LRMDA: variants seen among roughly 807,000 people sequenced by gnomAD.
LRMDA encodes the protein leucine rich melanocyte differentiation associated.
LRMDA carries 18 observed loss-of-function variants against 29.8 expected under a neutral mutation model. The ratio of observed to expected loss-of-function variants is 0.60; its 90% CI spans 0.42 to 0.90. The LOEUF is 0.90. Among genes scored for constraint, LRMDA ranks in the 40% least tolerant of loss-of-function variants. The probability of loss-of-function intolerance (pLI) is 0.00; values close to 1 mark genes in which losing one functional copy is unlikely to be tolerated. For synonymous variants in LRMDA, 125 were observed against 109.4 expected (o/e 1.14, Z -0.89); for missense variants, 273 against 273.9 (o/e 1.00, Z 0.02).
chr10:75,785,148 G>A (rs1843450333), intron 2 of LRMDA, among the ~76,000 whole-genome samples: 1 of 152,206 alleles, frequency 6.6e-6, no homozygotes, highest in African/African-American at 2.4e-5. Context: ...TCTTAGAGAT[G>A]TGCATTTGTT....
chr10:76,544,829 C>A (rs1589232125), intron 6 of LRMDA, among the ~76,000 whole-genome samples: 1 of 152,016 alleles, frequency 6.6e-6, no homozygotes, highest in South Asian at 2.1e-4. Context: ...CCATTTGGCA[C>A]TGGGATGAGC....
chr10:76,334,046 G>C (rs542552302), intron 6 of LRMDA, among the ~76,000 whole-genome samples: 1 of 152,324 alleles, frequency 6.6e-6, no homozygotes, highest in Admixed American at 6.5e-5. Context: ...TAGTGGAGCT[G>C]TGGCAGCAGG....
intron 2 of LRMDA, among the ~76,000 whole-genome samples, chr10:75,863,717 A>G (rs1280723994): frequency 1.3e-5 from 2 of 152,204 alleles, no homozygotes; most frequent in South Asian, 2.1e-4. Context: ...TACAACTCCA[A>G]TGAGTAGGTG....
chr10:76,296,436 G>A (rs1414220153), intron 5 of LRMDA, among the ~76,000 whole-genome samples: 3 of 152,104 alleles, frequency 2.0e-5, no homozygotes, highest in Admixed American at 6.6e-5. Context: ...AATGATCTCT[G>A]GTTTAGAGCT....
intron 2 of LRMDA, among the ~76,000 whole-genome samples, chr10:75,887,628 C>G (rs1453936132): frequency 6.6e-6 from 1 of 152,164 alleles, no homozygotes; most frequent in Non-Finnish European, 1.5e-5. Flanking sequence ...TGAGCTGCAA[C>G]TTCAGATTTG....
chr10:76,073,856 A>G (rs1250819646), intron 5 of LRMDA, among the ~76,000 whole-genome samples: 1 of 152,230 alleles, frequency 6.6e-6, no homozygotes, highest in Non-Finnish European at 1.5e-5. Context: ...GATTCTGTAC[A>G]AAGCATGCAT....
At chr10:76,104,633 T>C (rs1393785779) in intron 5 of LRMDA, among the ~76,000 whole-genome samples, 2 of 152,142 alleles carry the variant, frequency 1.3e-5, no homozygotes, top group Non-Finnish European at 2.9e-5. Flanking sequence ...TCCCCGGGGT[T>C]CCTTTGATCT....
At chr10:76,010,513 T>C (rs1399230632) in intron 2 of LRMDA, among the ~76,000 whole-genome samples, 1 of 152,046 alleles carries the variant, frequency 6.6e-6, no homozygotes, top group Non-Finnish European at 1.5e-5. Flanking sequence ...GGGGTTTCAC[T>C]GTGTTAACCA....
intron 2 of LRMDA, among the ~76,000 whole-genome samples, chr10:75,768,341 G>A (rs1843195780): frequency 6.6e-6 from 1 of 152,192 alleles, no homozygotes; most frequent in Non-Finnish European, 1.5e-5. Context: ...TTTCTTTGCT[G>A]TGCATTATCT....
chr10:76,018,556 A>C, intron 2 of LRMDA, among the ~76,000 whole-genome samples: 1 of 149,570 alleles, frequency 6.7e-6, no homozygotes, highest in African/African-American at 2.5e-5. Context: ...TAAAGATGTC[A>C]GGCTTCTGAA....
chr10:76,409,659 A>G (rs561240504), intron 6 of LRMDA, among the ~76,000 whole-genome samples: 2 of 152,210 alleles, frequency 1.3e-5, no homozygotes, highest in South Asian at 4.1e-4. Context: ...AAGTGGTTTT[A>G]TGTTATATAT....
intron 6 of LRMDA, among the ~76,000 whole-genome samples, chr10:76,353,639 C>CA (rs1841205465): frequency 6.6e-6 from 1 of 152,110 alleles, no homozygotes; most frequent in Non-Finnish European, 1.5e-5. Context: ...TGTTCAGCCT[C>CA]AACTGAGACC....
At chr10:76,510,291 G>A (rs140643782) in intron 6 of LRMDA, among the ~76,000 whole-genome samples, 2,723 of 152,106 alleles carry the variant, frequency 0.018, 85 homozygotes, top group African/African-American at 0.061. Flanking sequence ...GGCTGTTCTC[G>A]AACTCCTGAC....
At chr10:75,857,730 C>T (rs1844852109) in intron 2 of LRMDA, among the ~76,000 whole-genome samples, 1 of 152,194 alleles carries the variant, frequency 6.6e-6, no homozygotes, top group East Asian at 1.9e-4. Context: ...CAGGGCAAAT[C>T]ATGTTTTTCT....
intron 2 of LRMDA, among the ~76,000 whole-genome samples, chr10:75,976,821 TC>T (rs1183207162): frequency 6.6e-6 from 1 of 152,182 alleles, no homozygotes; most frequent in Non-Finnish European, 1.5e-5. Flanking sequence ...GATTCAAGGC[TC>T]CAGAGCATGT....
Position 76,036,035 on chromosome 10 carries a change from G to A in LRMDA, c.159G>A (p.Arg53=), listed in dbSNP as rs149656237. ...LRSLEGLSAF[R]SLEELILDNN... Reference sequence around the variant, plus strand: ...CACTGGAAGGACTGAGCGCATTCAGGAGCCTGGAGGAACTCATCTTGGACA... The same window carrying A: ...CACTGGAAGGACTGAGCGCATTCAGAAGCCTGGAGGAACTCATCTTGGACA... The change falls in exon 3 of 7, where the codon AGG becomes AGA. Residue 53 remains arginine, a synonymous_variant. Transcript: ENST00000611255. The A allele has an allele frequency of 6.8e-5, 110 of 1,614,102 alleles. No homozygotes were observed. In the African/African-American group the frequency reaches 1.3e-3, roughly 19 times the overall value.
intron 6 of LRMDA, among the ~76,000 whole-genome samples, chr10:76,440,862 C>T (rs1486470102): frequency 6.6e-6 from 1 of 152,040 alleles, no homozygotes; most frequent in Non-Finnish European, 1.5e-5. Context: ...TCCTGTGTAC[C>T]GCATATGCCA....
chr10:76,360,681 T>C (rs747109885), intron 6 of LRMDA, among the ~76,000 whole-genome samples: 20 of 152,194 alleles, frequency 1.3e-4, no homozygotes, highest in Non-Finnish European at 2.4e-4. Flanking sequence ...GATATTGAGG[T>C]ACAAATGTAT....
At chr10:76,153,851 C>G (rs1002804195) in intron 5 of LRMDA, among the ~76,000 whole-genome samples, 1 of 152,154 alleles carries the variant, frequency 6.6e-6, no homozygotes, top group African/African-American at 2.4e-5. Context: ...ATTGCTAGTC[C>G]TGTTCAGCAG....
Sources: gnomAD v4.1 joint callset for allele counts (sites outside exome capture counted in the v4.1 genomes callset) on GRCh38, gnomAD v4.1.1 for gene constraint, MANE v1.5 for transcripts, NCBI Gene and HGNC (gene_info 2026-07-23, HGNC 2026-07-21) for gene names.